The following ANKRD13B variants were observed in gnomAD, a reference collection of about 807,000 sequenced individuals.
The protein encoded by ANKRD13B is ankyrin repeat domain 13B, also known as ankyrin repeat domain-containing protein 13B.
ANKRD13B carries 33 observed loss-of-function variants against 74.4 expected under a neutral mutation model. The observed-to-expected ratio is 0.44, with a 90% CI of 0.34 to 0.59. The LOEUF (loss-of-function observed/expected upper bound fraction) is 0.59, where lower values mean the gene tolerates loss of function less well. ANKRD13B is among the 20% of genes least tolerant of loss of function. The probability of loss-of-function intolerance (pLI) is 0.02; values close to 1 mark genes in which losing one functional copy is unlikely to be tolerated. For synonymous variants in ANKRD13B, 341 were observed against 362.9 expected (o/e 0.94, Z 0.68); for missense variants, 676 against 877.9 (o/e 0.77, Z 2.91).
chr17:29,596,025 G>A (rs1179894735), intron 1 of ANKRD13B, among the ~76,000 whole-genome samples: 1 of 152,248 alleles, frequency 6.6e-6, no homozygotes, highest in Admixed American at 6.5e-5. Flanking sequence ...ATCCCAGCCA[G>A]GGGTCCCTGG....
Position 29,613,079 on chromosome 17 carries a change from G to C in ANKRD13B, c.1652+116G>C, listed in dbSNP as rs1395830692. 4 of 1,391,412 alleles carry C rather than the reference G, an allele frequency of 2.9e-6. No homozygotes were observed. The African/African-American group carries it at 5.7e-5, about 20-fold the overall frequency. 86.2% of individuals were successfully genotyped at this position (1,391,412 alleles called of 1,614,324 possible). A position where few individuals can be genotyped will look rare whatever the true frequency, so the allele number is the denominator to read the frequency against. The stretch of plus-strand genomic sequence containing the variant: ...GCAGGGACCCTCCTGGTATCGGGAT[G>C]GCTTCTGCCACCACTCCTGCCTCCG... On this transcript the variant is annotated intron_variant, in intron 14 of 14. Transcript: ENST00000394859.
At chr17:29,610,231 A>T (rs1314369855) in intron 7 of ANKRD13B, among the ~76,000 whole-genome samples, 1 of 149,036 alleles carries the variant, frequency 6.7e-6, no homozygotes, top group African/African-American at 2.5e-5. Context: ...TTACTCTGGG[A>T]CCCCTATGTT....
At chr17:29,602,402 A>AG (rs1309726532) in intron 1 of ANKRD13B, among the ~76,000 whole-genome samples, 1 of 151,808 alleles carries the variant, frequency 6.6e-6, no homozygotes, top group African/African-American at 2.4e-5. Context: ...CTCAAAAAAA[A>AG]AAAAAAAAAA....
At position 29,612,110 on chromosome 17, in the gene ANKRD13B, G is replaced by T; in HGVS notation, c.1101-6G>T. On this transcript the variant is annotated splice_region_variant and splice_polypyrimidine_tract_variant and intron_variant, in intron 10 of 14. Transcript: ENST00000394859. This position sits in a 1 kb window ranked among gnomAD's most constrained non-coding sequence, Gnocchi z 6.1. ...TCCCTTACCCCTTGGGATCTGGTGG[G>T]GGCAGGTTCAAGGCCAAGCTGTGGC... The T allele has an allele frequency of 6.2e-7, 1 of 1,613,786 alleles. No homozygotes were observed. The highest frequency in any genetic ancestry group is 8.5e-7 in the Non-Finnish European group (1 of 1,179,804).
chr17:29,612,974 G>C lies in ANKRD13B; in HGVS notation c.1652+11G>C. The C allele has an allele frequency of 6.3e-7, 1 of 1,594,656 alleles. No homozygotes were observed. Among genetic ancestry groups the C allele is most frequent in the Non-Finnish European group, 8.5e-7 (1 of 1,178,112 alleles). ...TCGCCGACAGGACAGGTCAGTGCCC[G>C]CTGGGCCGGAGAGAATCCTCCGGAG... On this transcript the variant is annotated intron_variant, in intron 14 of 14. Transcript: ENST00000394859. The surrounding 1 kb of genome is among the most constrained non-coding windows in gnomAD (Gnocchi z 6.1).
chr17:29,604,787 C>T (rs1018583628), intron 1 of ANKRD13B, among the ~76,000 whole-genome samples: 33 of 152,224 alleles, frequency 2.2e-4, no homozygotes, highest in African/African-American at 7.7e-4. Flanking sequence ...AGGTGATCTG[C>T]CCGCCTCCGC....
In ANKRD13B at chr17:29,613,631, C is replaced by G; in HGVS notation, c.*49C>G. The G allele has an allele frequency of 7.2e-7, 1 of 1,390,354 alleles. No homozygotes were observed. The highest frequency in any genetic ancestry group is 9.3e-7 in the Non-Finnish European group (1 of 1,074,864). 86.1% of individuals were successfully genotyped at this position (1,390,354 alleles called of 1,614,324 possible). A position where few individuals can be genotyped will look rare whatever the true frequency, so the allele number is the denominator to read the frequency against. On this transcript the variant is annotated 3_prime_UTR_variant, in exon 15 of 15. Transcript: ENST00000394859. Reference sequence around the variant, plus strand: ...AGCGCCACGCGCGCCACGCCCAGGGCCAGGAGCCAGACAAACCCCGGCCTG... The same window carrying G: ...AGCGCCACGCGCGCCACGCCCAGGGGCAGGAGCCAGACAAACCCCGGCCTG...
In ANKRD13B at chr17:29,611,932, A is replaced by G. The variant is rs1236033664; in HGVS notation, c.1026A>G (p.Glu342=). ...ACCCCACTGCCATCACTGCAGAAGA[A>G]TACTTCAACCCCAACTTTGAGCTGG... The part of the protein sequence containing the change: ...QANPTAITAE[E]YFNPNFELGN... Residue 342 remains glutamate (E), a synonymous_variant, in exon 10 of 15, where the codon GAA becomes GAG. Coordinates refer to ENST00000394859, the MANE Select transcript of ANKRD13B (RefSeq NM_152345.5). The surrounding 1 kb of genome is among the most constrained non-coding windows in gnomAD (Gnocchi z 4.3). The G allele has an allele frequency of 2.5e-6, 4 of 1,613,978 alleles. No individual in the cohort carries two copies. Among genetic ancestry groups the G allele is most frequent in the African/African-American group, 1.3e-5 (1 of 74,918 alleles).
intron 1 of ANKRD13B, among the ~76,000 whole-genome samples, chr17:29,604,776 C>T (rs1350889136): frequency 2.0e-5 from 3 of 152,110 alleles, no homozygotes; most frequent in African/African-American, 7.2e-5. Context: ...CTCCTGACCT[C>T]AGGTGATCTG....
chr17:29,604,519 A>ATTTTTC (rs1441828190), intron 1 of ANKRD13B, among the ~76,000 whole-genome samples: 7 of 138,450 alleles, frequency 5.1e-5, no homozygotes, highest in African/African-American at 1.4e-4. Context: ...TTTGATGCTA[A>ATTTTTC]TTTTTCTTTT....
intron 1 of ANKRD13B, among the ~76,000 whole-genome samples, chr17:29,606,860 C>T (rs2034404986): frequency 6.6e-6 from 1 of 151,426 alleles, no homozygotes; most frequent in Non-Finnish European, 1.5e-5. Context: ...ACTAGCCTGG[C>T]CAACATGGTG....
rs752995277 is a variant in ANKRD13B at position 29,611,830 on chromosome 17, A to C, written c.970-46A>C. 66 of 1,566,058 alleles carry C rather than the reference A, an allele frequency of 4.2e-5. No homozygotes were observed. In the South Asian group the frequency reaches 7.5e-4, roughly 18 times the overall value. ...GTGACAACAAATGAGTTGGCCTGGCATTAGGAACTGAGGGGAGCTCCTGGG... is the reference window on the plus strand; with the variant it reads ...GTGACAACAAATGAGTTGGCCTGGCCTTAGGAACTGAGGGGAGCTCCTGGG... On this transcript the variant is annotated intron_variant, in intron 9 of 14. Transcript: ENST00000394859. This position sits in a 1 kb window ranked among gnomAD's most constrained non-coding sequence, Gnocchi z 4.3.
Position 29,609,819 on chromosome 17 carries a change from A to AAGGTCACACAGCTGTT in ANKRD13B, c.822+400_822+415dup, listed in dbSNP as rs2034518017. ...CTTAGAGTGGTTCTGTGACCTGTAC[A>AAGGTCACACAGCTGTT]AGGTCACACAGCTGTTAAGTGGCAG... On this transcript the variant is annotated intron_variant, in intron 7 of 14. Transcript: ENST00000394859. The surrounding 1 kb of genome is among the most constrained non-coding windows in gnomAD (Gnocchi z 4.0). Among the ~76,000 whole-genome samples the AAGGTCACACAGCTGTT allele has an allele frequency of 1.3e-5, 2 of 152,176 alleles. No individual in the cohort carries two copies. Among genetic ancestry groups the AAGGTCACACAGCTGTT allele is most frequent in the Admixed American group, 1.3e-4 (2 of 15,286 alleles).
Position 29,613,492 on chromosome 17 carries a change from G to C in ANKRD13B, c.1791G>C (p.Ser597=), listed in dbSNP as rs558444029. Reference sequence around the variant, plus strand: ...AGCTGCGGCTGGCGATGGAACTGTCGGCGCAGGAGCAGGAGGAGAGGCGGC... The same window carrying C: ...AGCTGCGGCTGGCGATGGAACTGTCCGCGCAGGAGCAGGAGGAGAGGCGGC... The part of the protein sequence containing the change: ...DEQLRLAMEL[S]AQEQEERRRR... The change falls in exon 15 of 15, where the codon TCG becomes TCC. Residue 597 remains serine, a synonymous_variant. Transcript: ENST00000394859. The C allele has an allele frequency of 3.1e-5, 48 of 1,532,142 alleles. No individual in the cohort carries two copies. In the African/African-American group the frequency reaches 3.4e-4, roughly 11 times the overall value. 94.9% of individuals were successfully genotyped at this position (1,532,142 alleles called of 1,614,324 possible).
intron 1 of ANKRD13B, among the ~76,000 whole-genome samples, chr17:29,597,291 C>T (rs141839830): frequency 1.2e-3 from 188 of 152,288 alleles, no homozygotes; most frequent in African/African-American, 4.4e-3. Context: ...TGTGCAAATA[C>T]GCACACACAC....
chr17:29,611,000 A>G (rs1048035406), intron 8 of ANKRD13B, among the ~76,000 whole-genome samples: 5 of 152,188 alleles, frequency 3.3e-5, no homozygotes, highest in Non-Finnish European at 7.4e-5. Flanking sequence ...GCTGCAAGTG[A>G]TTACTAATGT....
Position 29,611,854 on chromosome 17 carries a change from G to T in ANKRD13B, c.970-22G>T. 1 of 1,571,070 alleles carries T rather than the reference G, an allele frequency of 6.4e-7. No homozygotes were observed. The highest frequency in any genetic ancestry group is 1.2e-5 in the South Asian group (1 of 85,454). Reference sequence around the variant, plus strand: ...CATTAGGAACTGAGGGGAGCTCCTGGGCCCCTCCCCATGTGGTACAGACCC... The same window carrying T: ...CATTAGGAACTGAGGGGAGCTCCTGTGCCCCTCCCCATGTGGTACAGACCC... On this transcript the variant is annotated intron_variant, in intron 9 of 14. Transcript: ENST00000394859. This position sits in a 1 kb window ranked among gnomAD's most constrained non-coding sequence, Gnocchi z 4.3.
chr17:29,602,730 T>A (rs1349294316), intron 1 of ANKRD13B, among the ~76,000 whole-genome samples: 1 of 152,252 alleles, frequency 6.6e-6, no homozygotes, highest in Non-Finnish European at 1.5e-5. Context: ...AAGGTCTCAT[T>A]CATAGGCTGT....
chr17:29,608,038 T>C lies in ANKRD13B; in HGVS notation c.303T>C (p.Leu101=), dbSNP rs767736334. The stretch of plus-strand genomic sequence containing the variant: ...ACCTGGAGCTGGTGCAGCTGGTGCT[T>C]CGGTACCGGGACTACCAGCGGGTGG... ...TRDLELVQLV[L]RYRDYQRVVK... Residue 101 remains leucine, a synonymous_variant, in exon 3 of 15, where the codon CTT becomes CTC. Transcript: ENST00000394859. This position sits in a 1 kb window ranked among gnomAD's most constrained non-coding sequence, Gnocchi z 6.4. 2 of 1,612,566 alleles carry C rather than the reference T, an allele frequency of 1.2e-6. No individual in the cohort carries two copies. The highest frequency in any genetic ancestry group is 2.2e-5 in the East Asian group (1 of 44,870).
Sources: gnomAD v4.1 joint callset for allele counts (sites outside exome capture counted in the v4.1 genomes callset) on GRCh38, gnomAD v4.1.1 for gene constraint, Gnocchi (gnomAD v3.1) non-coding constraint, MANE v1.5 for transcripts, NCBI Gene and HGNC (gene_info 2026-07-23, HGNC 2026-07-21) for gene names.